SNX24: variants seen among roughly 807,000 people sequenced by gnomAD.
The protein encoded by SNX24 is sorting nexin 24, also known as sorting nexin-24.
A neutral mutation model predicts 28.7 loss-of-function variants in SNX24; 22 were observed. The observed-to-expected ratio is 0.77, with a 90% CI of 0.55 to 1.10. The LOEUF (loss-of-function observed/expected upper bound fraction) is 1.10, where lower values mean the gene tolerates loss of function less well. Among genes scored for constraint, SNX24 ranks in the 50% least tolerant of loss-of-function variants. The pLI is 0.00. For synonymous variants in SNX24, 69 were observed against 71.5 expected (o/e 0.96, Z 0.18); for missense variants, 221 against 201.1 (o/e 1.10, Z -0.60).
chr5:122,871,003 ATC>A (rs1402094469), intron 1 of SNX24, among the ~76,000 whole-genome samples: 1 of 152,168 alleles, frequency 6.6e-6, no homozygotes, highest in African/African-American at 2.4e-5. Context: ...CCCTCAGAGA[ATC>A]TGATGGTCTT....
At chr5:122,932,858 C>CAAAAAAAAAAAAAAAAAAAA (rs57930558) in intron 1 of SNX24, among the ~76,000 whole-genome samples, 2 of 88,016 alleles carry the variant, frequency 2.3e-5, no homozygotes, top group Non-Finnish European at 4.4e-5. Flanking sequence ...GACTCTGTCT[C>CAAAAAAAAAAAAAAAAAAAA]AAAAAAAAAA....
chr5:122,845,786 AG>A (rs1754594513), intron 1 of SNX24, 93 bp downstream of exon 1: 1 of 687,076 alleles, frequency 1.5e-6, no homozygotes, highest in Non-Finnish European at 2.1e-6. Flanking sequence ...GCCTTGGCGC[AG>A]GGGGTCCCCT....
At chr5:122,926,444 A>C (rs1191377692) in intron 1 of SNX24, among the ~76,000 whole-genome samples, 1 of 152,198 alleles carries the variant, frequency 6.6e-6, no homozygotes, top group African/African-American at 2.4e-5. Context: ...GGCCTGGGTG[A>C]AGACACAGAG....
intron 2 of SNX24, among the ~76,000 whole-genome samples, chr5:122,937,171 A>AT (rs1273869924): frequency 1.3e-5 from 2 of 152,234 alleles, no homozygotes; most frequent in Non-Finnish European, 2.9e-5. Flanking sequence ...AAAGCAAATG[A>AT]TTATCTTACA....
intron 1 of SNX24, among the ~76,000 whole-genome samples, chr5:122,874,061 T>C (rs986998237): frequency 6.6e-6 from 1 of 152,328 alleles, no homozygotes; most frequent in African/African-American, 2.4e-5. Context: ...TGAGCCACCA[T>C]ACCCAGCCAG....
At chr5:122,921,828 G>A (rs1417507909) in intron 1 of SNX24, among the ~76,000 whole-genome samples, 1 of 151,970 alleles carries the variant, frequency 6.6e-6, no homozygotes, top group East Asian at 1.9e-4. Flanking sequence ...CAAAATGATT[G>A]TATTTTTGCA....
intron 3 of SNX24, chr5:122,965,548 A>G (rs1255880216): frequency 1.8e-5 from 8 of 435,736 alleles, no homozygotes; most frequent in Non-Finnish European, 3.3e-5. Context: ...GCCTTTTATA[A>G]GAGAAATTGC....
At chr5:122,976,139 A>T (rs1761151432) in intron 3 of SNX24, among the ~76,000 whole-genome samples, 1 of 152,144 alleles carries the variant, frequency 6.6e-6, no homozygotes, top group South Asian at 2.1e-4. Flanking sequence ...ATAAGGAAAG[A>T]TGTCCAACAC....
chr5:122,876,401 A>G (rs1756225551), intron 1 of SNX24, among the ~76,000 whole-genome samples: 2 of 152,214 alleles, frequency 1.3e-5, no homozygotes, highest in Non-Finnish European at 2.9e-5. Context: ...ATATATTGGT[A>G]ATGCTGTAAG....
intron 1 of SNX24, among the ~76,000 whole-genome samples, chr5:122,857,018 C>CT (rs368552176): frequency 2.3e-4 from 34 of 148,198 alleles, no homozygotes; most frequent in South Asian, 1.1e-3. Context: ...ATTTTTCTTT[C>CT]TTTTTTTTTT....
chr5:123,003,619 A>G (rs1276939787), intron 6 of SNX24, among the ~76,000 whole-genome samples: 2 of 152,224 alleles, frequency 1.3e-5, no homozygotes, highest in East Asian at 1.9e-4. Context: ...ACTTGATAGA[A>G]GAGGGAAGAT....
intron 3 of SNX24, among the ~76,000 whole-genome samples, chr5:122,965,679 G>A (rs923186600): frequency 1.3e-5 from 2 of 152,164 alleles, no homozygotes; most frequent in African/African-American, 4.8e-5. Flanking sequence ...TATTTGTACC[G>A]ATAGTGCTAG....
At position 122,989,661 on chromosome 5, in the gene SNX24, C is replaced by A. The variant is rs576727603; in HGVS notation, c.250-10251C>A. On this transcript the variant is annotated intron_variant, in intron 3 of 6. Transcript: ENST00000261369. Reference sequence around the variant, plus strand: ...CACATACCCCAAGAAAATTGGTATTCCATTAGTAAAGAAGAAGGGAAGACT... The same window carrying A: ...CACATACCCCAAGAAAATTGGTATTACATTAGTAAAGAAGAAGGGAAGACT... Among the ~76,000 whole-genome samples the A allele has an allele frequency of 7.2e-5, 11 of 152,150 alleles. No homozygotes were observed. In the South Asian group the frequency reaches 2.1e-3, roughly 29 times the overall value.
chr5:122,916,900 C>T (rs1758195680), intron 1 of SNX24, among the ~76,000 whole-genome samples: 1 of 152,144 alleles, frequency 6.6e-6, no homozygotes, highest in African/African-American at 2.4e-5. Flanking sequence ...CAGAAAACTT[C>T]CTAGCTGGCT....
chr5:122,909,142 G>A (rs143784725), intron 1 of SNX24, among the ~76,000 whole-genome samples: 17 of 152,190 alleles, frequency 1.1e-4, no homozygotes, highest in East Asian at 7.7e-4. Context: ...CAAGGGACTC[G>A]CAGTCTCAGA....
rs191293650 is a variant in SNX24, at chr5:122,925,796, T to C, written c.61-10938T>C. Among the ~76,000 whole-genome samples the C allele has an allele frequency of 2.1e-4, 32 of 152,368 alleles. No homozygotes were observed. In the East Asian group the frequency reaches 6.0e-3, roughly 28 times the overall value. Reference sequence around the variant, plus strand: ...ATTTGTTGTCCAGCTGTCAATTACCTGCTCACCTTTTCTTCTGCTCCTTCC... The same window carrying C: ...ATTTGTTGTCCAGCTGTCAATTACCCGCTCACCTTTTCTTCTGCTCCTTCC... On this transcript the variant is annotated intron_variant, in intron 1 of 6. Transcript: ENST00000261369.
intron 1 of SNX24, among the ~76,000 whole-genome samples, chr5:122,854,917 A>G (rs1363185249): frequency 6.6e-6 from 1 of 152,260 alleles, no homozygotes; most frequent in Non-Finnish European, 1.5e-5. Flanking sequence ...AAAAAAATGT[A>G]CATACCTTAA....
intron 5 of SNX24, among the ~76,000 whole-genome samples, chr5:123,020,463 C>CTGAG (rs942331407): frequency 6.6e-6 from 1 of 152,292 alleles, no homozygotes; most frequent in Admixed American, 6.5e-5. Flanking sequence ...TCATGTTACT[C>CTGAG]TGAGTTCTCT....
At chr5:122,937,677 T>C (rs1392355258) in intron 2 of SNX24, among the ~76,000 whole-genome samples, 1 of 152,198 alleles carries the variant, frequency 6.6e-6, no homozygotes, top group Non-Finnish European at 1.5e-5. Context: ...CTCTAAGTTA[T>C]TGGTACACTT....
Sources: allele counts gnomAD v4.1 joint callset (sites outside exome capture counted in the v4.1 genomes callset), GRCh38; gene constraint gnomAD v4.1.1; transcripts MANE v1.5; gene names NCBI Gene and HGNC (gene_info 2026-07-23, HGNC 2026-07-21).